DAB1: variants seen among roughly 807,000 people sequenced by gnomAD.
DAB1 encodes DAB adaptor protein 1, also known as disabled homolog 1.
Under a neutral mutation model 64.6 loss-of-function variants are expected in DAB1, and 15 were observed. That is an observed-to-expected ratio of 0.23 (90% CI 0.16 to 0.36). The LOEUF is 0.36. Among genes scored for constraint, DAB1 ranks in the 10% least tolerant of loss-of-function variants. The pLI, the probability that DAB1 is intolerant of heterozygous loss-of-function variation, is 1.00. For missense variants in DAB1, 596 were observed against 706.7 expected, an observed-to-expected ratio of 0.84 and a Z score of 1.78; for synonymous variants, 235 against 251.9, an observed-to-expected ratio of 0.93 and a Z score of 0.64.
Position 57,026,019 on chromosome 1 carries a change from CA to C in DAB1, c.747del (p.Phe249LeufsTer10). On this transcript the variant is annotated frameshift_variant, in exon 10 of 15. Transcript: ENST00000371236. LOFTEE classifies it high-confidence loss of function. ...ATATCAGGGGGTGTGGACATGTCCC[CA>C]AAAAGTTCTAATTGGGTCACAGCCT... ...PVSAVTQLEL[F>X]GDMSTPPDIT... The C allele has an allele frequency of 1.9e-6, 3 of 1,593,484 alleles. No homozygotes were observed. Among genetic ancestry groups the C allele is most frequent in the Admixed American group, 1.8e-5 (1 of 56,102 alleles).
intron 3 of DAB1, among the ~76,000 whole-genome samples, chr1:58,457,752 C>A (rs1442661267): frequency 3.3e-5 from 5 of 152,184 alleles, no homozygotes; most frequent in African/African-American, 1.2e-4. Flanking sequence ...ATGTAGGAGT[C>A]TTCTTTTATT....
intron 2 of DAB1, among the ~76,000 whole-genome samples, chr1:57,212,257 G>C (rs10489466): frequency 5.9e-5 from 9 of 151,564 alleles, no homozygotes; most frequent in Non-Finnish European, 1.3e-4. Context: ...CAAATGGTCC[G>C]AGATTAGGTG....
At chr1:58,288,206 TTA>T (rs1661737884) in intron 4 of DAB1, among the ~76,000 whole-genome samples, 1 of 152,052 alleles carries the variant, frequency 6.6e-6, no homozygotes. Flanking sequence ...GGGATGGAGA[TTA>T]TGTCTGGAAC....
intron 2 of DAB1, among the ~76,000 whole-genome samples, chr1:57,149,692 A>G (rs1659477616): frequency 6.6e-6 from 1 of 152,130 alleles, no homozygotes; most frequent in African/African-American, 2.4e-5. Context: ...CTTGTGTAAA[A>G]TTTCATGGTC....
intron 6 of DAB1, among the ~76,000 whole-genome samples, chr1:57,743,555 G>A (rs992921109): frequency 5.9e-5 from 9 of 152,280 alleles, no homozygotes; most frequent in Non-Finnish European, 7.3e-5. Flanking sequence ...ACACGGATGC[G>A]CGTGAAAGGT....
rs116747220 is a variant in DAB1, at chr1:58,090,492, A to G, written n.387+60019T>C. On this transcript the variant is annotated intron_variant and non_coding_transcript_variant, in intron 5 of 20. Coordinates refer to the DAB1 transcript ENST00000485760. ...CATGCCAATTCCCTTTTGTTTACCA[A>G]TTGGCTACCATCTGCTGGGGTTTAC... Among the ~76,000 whole-genome samples the G allele has an allele frequency of 7.6e-3, 1,151 of 152,212 alleles. 22 individuals are homozygous for G. The highest frequency in any genetic ancestry group is 0.024 in the African/African-American group (1,014 of 41,520).
chr1:57,328,283 G>A (rs777970081), intron 1 of DAB1, among the ~76,000 whole-genome samples: 4 of 152,192 alleles, frequency 2.6e-5, no homozygotes, highest in Non-Finnish European at 5.9e-5. Flanking sequence ...CAACCTCTGT[G>A]CCAGCGTTGG....
chr1:58,433,180 G>A (rs1046558408), intron 3 of DAB1, among the ~76,000 whole-genome samples: 1 of 152,178 alleles, frequency 6.6e-6, no homozygotes, highest in Non-Finnish European at 1.5e-5. Flanking sequence ...TGGCAGGATT[G>A]CACATTTGGT....
chr1:57,172,102 T>G (rs964375075), intron 2 of DAB1, among the ~76,000 whole-genome samples: 2 of 152,180 alleles, frequency 1.3e-5, no homozygotes, highest in African/African-American at 2.4e-5. Flanking sequence ...TGCTATTATC[T>G]TCACATGAAG....
intron 2 of DAB1, among the ~76,000 whole-genome samples, chr1:58,524,104 C>G (rs4912340): frequency 0.13 from 20,216 of 152,172 alleles, 1,488 homozygotes; most frequent in African/African-American, 0.19. Context: ...AAAGTACTTA[C>G]AAATCCAACT....
At chr1:57,712,333 G>A (rs1192917468) in intron 6 of DAB1, among the ~76,000 whole-genome samples, 3 of 152,246 alleles carry the variant, frequency 2.0e-5, no homozygotes, top group East Asian at 1.9e-4. Context: ...CTAAAGACTC[G>A]ATGCTTTGGA....
At chr1:58,239,401 T>C (rs1443100245) in intron 4 of DAB1, among the ~76,000 whole-genome samples, 1 of 152,208 alleles carries the variant, frequency 6.6e-6, no homozygotes, top group East Asian at 1.9e-4. Flanking sequence ...AAAGGACATG[T>C]TTAAATTTCA....
chr1:57,397,063 T>C (rs1217668019), intron 1 of DAB1, among the ~76,000 whole-genome samples: 2 of 152,212 alleles, frequency 1.3e-5, no homozygotes, highest in Non-Finnish European at 2.9e-5. Flanking sequence ...ACTATGAGAA[T>C]TAGAAGGACC....
intron 6 of DAB1, among the ~76,000 whole-genome samples, chr1:57,787,688 C>A (rs1650400262): frequency 6.6e-6 from 1 of 151,984 alleles, no homozygotes; most frequent in Non-Finnish European, 1.5e-5. Flanking sequence ...AAATTAAAAT[C>A]TTCGGCTTTT....
chr1:57,609,654 T>G (rs1645702317), intron 7 of DAB1, among the ~76,000 whole-genome samples: 1 of 152,248 alleles, frequency 6.6e-6, no homozygotes, highest in Admixed American at 6.5e-5. Flanking sequence ...AGTCGCTGGT[T>G]TTTTAAGATT....
At chr1:57,109,440 G>A (rs533950445) in intron 4 of DAB1, among the ~76,000 whole-genome samples, 1 of 152,100 alleles carries the variant, frequency 6.6e-6, no homozygotes, top group Non-Finnish European at 1.5e-5. Context: ...AAACAAACAT[G>A]GCTCTCTTCC....
At chr1:57,604,618 A>T (rs556607655) in intron 7 of DAB1, among the ~76,000 whole-genome samples, 1 of 152,266 alleles carries the variant, frequency 6.6e-6, no homozygotes, top group Non-Finnish European at 1.5e-5. Context: ...ACAGTCACTA[A>T]GTTTTGGGGT....
intron 1 of DAB1, among the ~76,000 whole-genome samples, chr1:57,319,112 C>A (rs1675467969): frequency 6.6e-6 from 1 of 152,170 alleles, no homozygotes; most frequent in African/African-American, 2.4e-5. Flanking sequence ...TATTGAACCA[C>A]CTTGTCTTTT....
intron 2 of DAB1, among the ~76,000 whole-genome samples, chr1:57,234,679 T>G (rs565481536): frequency 2.4e-4 from 36 of 152,310 alleles, no homozygotes; most frequent in African/African-American, 8.7e-4. Context: ...CAAGGTTCTA[T>G]GCTCAGGGTC....
Sources: gnomAD v4.1 joint callset for allele counts (sites outside exome capture counted in the v4.1 genomes callset) on GRCh38, gnomAD v4.1.1 for gene constraint, MANE v1.5 for transcripts, NCBI Gene and HGNC (gene_info 2026-07-23, HGNC 2026-07-21) for gene names.